Variants in CC2D2A observed in about 807,000 individuals in gnomAD.
The protein encoded by CC2D2A is coiled-coil and C2 domain-containing protein 2A.
A neutral mutation model predicts 212.9 loss-of-function variants in CC2D2A; 155 were observed. The ratio of observed to expected loss-of-function variants is 0.73; its 90% confidence interval spans 0.64 to 0.83. CC2D2A has a LOEUF of 0.83. Among genes scored for constraint, CC2D2A ranks in the 40% least tolerant of loss-of-function variants. The pLI is 0.00. For missense variants in CC2D2A, 1,856 were observed against 1,956.2 expected, an observed-to-expected ratio of 0.95 and a Z score of 0.97; for synonymous variants, 667 against 686.5, an observed-to-expected ratio of 0.97 and a Z score of 0.44.
At chr4:15,489,674 A>T (rs1292102826) in intron 4 of CC2D2A, among the ~76,000 whole-genome samples, 1 of 152,020 alleles carries the variant, frequency 6.6e-6, no homozygotes, top group African/African-American at 2.4e-5. Flanking sequence ...TCTTGAAATC[A>T]CTCCAATGTA....
At chr4:15,516,944 CTTTTTTTTT>C (rs397992357) in intron 11 of CC2D2A, among the ~76,000 whole-genome samples, 188 bp downstream of exon 11, 1 of 95,792 alleles carries the variant, frequency 1.0e-5, no homozygotes. Context: ...TGCATCCCTT[CTTTTTTTTT>C]TTTTTTTTTT....
intron 29 of CC2D2A, among the ~76,000 whole-genome samples, 181 bp downstream of exon 29, chr4:15,574,507 T>C (rs1225789783): frequency 6.6e-6 from 1 of 152,226 alleles, no homozygotes; most frequent in Non-Finnish European, 1.5e-5. Flanking sequence ...GGGTTTGTAC[T>C]TTCACTGAAC....
chr4:15,497,330 C>T (rs1227764347), intron 4 of CC2D2A, among the ~76,000 whole-genome samples: 1 of 152,098 alleles, frequency 6.6e-6, no homozygotes, highest in Non-Finnish European at 1.5e-5. Flanking sequence ...GCTCTTCCTA[C>T]CCCCTTATCT....
intron 23 of CC2D2A, chr4:15,561,672 G>A (rs1403390308): frequency 1.3e-5 from 2 of 151,922 alleles, no homozygotes; most frequent in African/African-American, 4.8e-5. Context: ...GATGGTCCTG[G>A]CTGACATGGT....
At chr4:15,542,007 G>A (rs1718480999) in intron 17 of CC2D2A, among the ~76,000 whole-genome samples, 1 of 151,912 alleles carries the variant, frequency 6.6e-6, no homozygotes, top group South Asian at 2.1e-4. Flanking sequence ...GAGTTCCTTG[G>A]TTTGTGTTAG....
chr4:15,524,549 C>G (rs1717402291), intron 11 of CC2D2A, among the ~76,000 whole-genome samples: 1 of 149,450 alleles, frequency 6.7e-6, no homozygotes, highest in South Asian at 2.1e-4. Context: ...CTCCCGGGTT[C>G]ACGCCATTCT....
chr4:15,536,798 C>A, intron 14 of CC2D2A, 122 bp from the exon 15 acceptor site: 2 of 843,170 alleles, frequency 2.4e-6, no homozygotes, highest in Non-Finnish European at 3.7e-6. Flanking sequence ...TGTGAGTTTA[C>A]ATGTGCGACA....
At position 15,559,179 on chromosome 4, in the gene CC2D2A, G is replaced by T; in HGVS notation, c.2844G>T (p.Arg948=). ...MEKVFQDYEK[R]LRDRNVIETK... is the part of the protein sequence containing the mutation. ...TTTAATTTTAGGACTATGAGAAACGGTTACGAGACAGAAATGTAATAGAAA... is the reference window on the plus strand; with the variant it reads ...TTTAATTTTAGGACTATGAGAAACGTTTACGAGACAGAAATGTAATAGAAA... The change falls in exon 22 of 37, where the codon CGG becomes CGT. Residue 948 remains arginine (R), a synonymous_variant. Coordinates refer to ENST00000424120, the MANE Select transcript of CC2D2A (RefSeq NM_001378615.1). 1 of 1,548,448 alleles carries T rather than the reference G, an allele frequency of 6.5e-7. No individual in the cohort carries two copies. The highest frequency in any genetic ancestry group is 8.7e-7 in the Non-Finnish European group (1 of 1,145,720).
At chr4:15,580,290 T>C (rs1720604260) in intron 30 of CC2D2A, 119 bp downstream of exon 30, 7 of 759,522 alleles carry the variant, frequency 9.2e-6, no homozygotes, top group Non-Finnish European at 4.2e-6. Context: ...AGATCATTAA[T>C]GACAAAAGTA....
intron 28 of CC2D2A, among the ~76,000 whole-genome samples, chr4:15,572,819 A>G (rs1720228543): frequency 6.6e-6 from 1 of 152,168 alleles, no homozygotes; most frequent in African/African-American, 2.4e-5. Context: ...AAAAGTAGGG[A>G]AGCTGACAGT....
At chr4:15,581,045 C>G (rs1318052465) in intron 30 of CC2D2A, among the ~76,000 whole-genome samples, 1 of 152,166 alleles carries the variant, frequency 6.6e-6, no homozygotes, top group Non-Finnish European at 1.5e-5. Context: ...CATATGTTAA[C>G]CAGGCTAATT....
At chr4:15,524,435 G>A (rs1474873465) in intron 11 of CC2D2A, among the ~76,000 whole-genome samples, 1 of 120,514 alleles carries the variant, frequency 8.3e-6, no homozygotes, top group African/African-American at 3.2e-5. Flanking sequence ...TCGGCCTTCT[G>A]TAAAATTTTT....
At chr4:15,570,521 A>G (rs1241640479) in intron 28 of CC2D2A, 25 bp downstream of exon 28, 1 of 1,466,580 alleles carries the variant, frequency 6.8e-7, no homozygotes, top group East Asian at 2.3e-5. Flanking sequence ...TTAGAGGTCC[A>G]TGAGAGCAGG....
intron 4 of CC2D2A, among the ~76,000 whole-genome samples, chr4:15,497,682 T>G (rs1454854233): frequency 6.6e-6 from 1 of 152,244 alleles, no homozygotes; most frequent in African/African-American, 2.4e-5. Flanking sequence ...CTCTCTTGTT[T>G]ATTATAGTCA....
intron 31 of CC2D2A, among the ~76,000 whole-genome samples, chr4:15,587,061 T>C (rs1577396975): frequency 1.3e-5 from 2 of 152,228 alleles, no homozygotes; most frequent in Admixed American, 6.5e-5. Context: ...CAGGGACTAG[T>C]TTTGTAGAAT....
intron 35 of CC2D2A, among the ~76,000 whole-genome samples, chr4:15,599,122 C>A (rs1342022700): frequency 6.6e-6 from 1 of 151,950 alleles, no homozygotes; most frequent in Non-Finnish European, 1.5e-5. Context: ...GATTGTACCA[C>A]TTCAATCCAG....
intron 3 of CC2D2A, among the ~76,000 whole-genome samples, chr4:15,479,506 G>GAGGT (rs1433514492): frequency 6.6e-6 from 1 of 152,142 alleles, no homozygotes; most frequent in African/African-American, 2.4e-5. Context: ...GAGAGATGAA[G>GAGGT]AGGTCATAGG....
intron 11 of CC2D2A, among the ~76,000 whole-genome samples, chr4:15,526,036 C>T (rs1717491598): frequency 6.6e-6 from 1 of 152,122 alleles, no homozygotes. Context: ...TAAAATAAAA[C>T]AATCTGTTCA....
At chr4:15,554,363 T>C (rs1284186277) in intron 19 of CC2D2A, among the ~76,000 whole-genome samples, 1 of 152,194 alleles carries the variant, frequency 6.6e-6, no homozygotes, top group Non-Finnish European at 1.5e-5. Context: ...AGCTGGTGCT[T>C]AAGTTTGTTG....
Sources: gnomAD v4.1 joint callset for allele counts (sites outside exome capture counted in the v4.1 genomes callset) on GRCh38, gnomAD v4.1.1 for gene constraint, MANE v1.5 for transcripts, NCBI Gene and HGNC (gene_info 2026-07-23, HGNC 2026-07-21) for gene names.